The following PLD1 variants were observed in gnomAD, a reference collection of about 807,000 sequenced individuals.
PLD1 encodes the protein choline phosphatase 1.
PLD1 carries 112 observed loss-of-function variants against 137.1 expected under a neutral mutation model. The ratio of observed to expected loss-of-function variants is 0.82; its 90% confidence interval spans 0.70 to 0.96. The LOEUF (loss-of-function observed/expected upper bound fraction) is 0.96. PLD1 is among the 40% of genes least tolerant of loss of function. The pLI, the probability that PLD1 is intolerant of heterozygous loss-of-function variation, is 0.00. For synonymous variants in PLD1, 431 were observed against 454.7 expected (o/e 0.95, Z 0.66); for missense variants, 1,321 against 1,342.0 (o/e 0.98, Z 0.24).
At chr3:171,626,954 C>T (rs1341554204) in intron 23 of PLD1, among the ~76,000 whole-genome samples, 2 of 152,090 alleles carry the variant, frequency 1.3e-5, no homozygotes, top group South Asian at 4.1e-4. Flanking sequence ...CATCAACTAA[C>T]GAGCAAAATA....
intron 21 of PLD1, among the ~76,000 whole-genome samples, chr3:171,652,758 A>T (rs1578194724): frequency 7.3e-6 from 1 of 136,988 alleles, no homozygotes; most frequent in African/African-American, 2.7e-5. Flanking sequence ...GTACCAGCAC[A>T]CTCAGCTATT....
At chr3:171,679,482 G>C (rs1713735415) in intron 16 of PLD1, among the ~76,000 whole-genome samples, 1 of 151,498 alleles carries the variant, frequency 6.6e-6, no homozygotes, top group Admixed American at 6.6e-5. Flanking sequence ...AAGAAAAGAG[G>C]GTGAGAAAAG....
At chr3:171,783,998 C>T (rs558404948) in intron 1 of PLD1, among the ~76,000 whole-genome samples, 1 of 152,314 alleles carries the variant, frequency 6.6e-6, no homozygotes, top group East Asian at 1.9e-4. Context: ...TTGTCTTATA[C>T]TCTCTGTGTC....
chr3:171,725,788 G>A (rs1251650426), intron 7 of PLD1, among the ~76,000 whole-genome samples: 1 of 152,218 alleles, frequency 6.6e-6, no homozygotes, highest in African/African-American at 2.4e-5. Context: ...GGGTTAGAAA[G>A]AATCTGTGCT....
At chr3:171,684,119 A>C (rs564596980) in intron 16 of PLD1, among the ~76,000 whole-genome samples, 10 of 152,296 alleles carry the variant, frequency 6.6e-5, no homozygotes, top group Middle Eastern at 3.4e-3. Context: ...ATGTATGATC[A>C]GTGTCTCAGA....
At chr3:171,748,248 G>C (rs1720399205) in intron 1 of PLD1, among the ~76,000 whole-genome samples, 1 of 152,198 alleles carries the variant, frequency 6.6e-6, no homozygotes, top group Non-Finnish European at 1.5e-5. Flanking sequence ...AGTTTATTAC[G>C]TGTAAGTCAG....
At chr3:171,735,772 T>C (rs1292573532) in intron 3 of PLD1, 135 bp from the exon 4 acceptor site, 1 of 601,164 alleles carries the variant, frequency 1.7e-6, no homozygotes, top group Non-Finnish European at 3.0e-6. Context: ...AGTACTTAAG[T>C]AAATTTGTTT....
chr3:171,641,010 G>A (rs922892396), intron 23 of PLD1, among the ~76,000 whole-genome samples: 2 of 152,172 alleles, frequency 1.3e-5, no homozygotes, highest in African/African-American at 4.8e-5. Context: ...ATAAATATAA[G>A]TACTTAGAAT....
chr3:171,793,044 A>T, intron 1 of PLD1: 1 of 234,708 alleles, frequency 4.3e-6, no homozygotes, highest in Non-Finnish European at 8.4e-6. Flanking sequence ...CAAACCAGTG[A>T]AATTTGCGTG....
Position 171,618,859 on chromosome 3 carries a change from G to A in PLD1, c.2728+1527C>T, listed in dbSNP as rs946101530. On this transcript the variant is annotated intron_variant, in intron 24 of 26. Transcript: ENST00000351298. ...ATACAAATATTAAAAGTGTGTGTGC[G>A]TGTGTGTGTGTGTGTGTGTATGTAT... Among the ~76,000 whole-genome samples the A allele has an allele frequency of 5.8e-4, 49 of 84,136 alleles. 1 individual carries two copies. Among genetic ancestry groups the A allele is most frequent in the Non-Finnish European group, 1.2e-4 (5 of 40,538 alleles). 55.2% of individuals were successfully genotyped at this position (84,136 alleles called of 152,430 possible). A position where few individuals can be genotyped will look rare whatever the true frequency, so the allele number is the denominator to read the frequency against.
chr3:171,732,727 C>T (rs1014248507), intron 6 of PLD1, among the ~76,000 whole-genome samples: 4 of 152,140 alleles, frequency 2.6e-5, no homozygotes, highest in East Asian at 1.9e-4. Flanking sequence ...TACATACATA[C>T]GATAAACCAT....
chr3:171,623,997 C>CA (rs369934863), intron 23 of PLD1, among the ~76,000 whole-genome samples: 3,065 of 65,012 alleles, frequency 0.047, 20 homozygotes, highest in Middle Eastern at 0.067. Flanking sequence ...TATCCAGAGG[C>CA]AAAAAAAAAA....
At position 171,642,858 on chromosome 3, in the gene PLD1, C is replaced by CA; in HGVS notation, c.2574dup (p.Gly859TrpfsTer9). 6.3e-7 allele frequency: 1 copy of CA among 1,587,892 alleles called. No homozygotes were observed. The highest frequency in any genetic ancestry group is 1.1e-5 in the South Asian group (1 of 88,022). On this transcript the variant is annotated frameshift_variant, in exon 23 of 27. Transcript: ENST00000351298. LOFTEE classifies it high-confidence loss of function. The stretch of plus-strand genomic sequence containing the variant: ...TACTTACGCTCTGCTTTTAACTGTC[C>CA]AAGGATGGAATTTTCTCCTCTGCAC...
intron 21 of PLD1, among the ~76,000 whole-genome samples, chr3:171,657,121 C>T (rs1268281891): frequency 6.6e-6 from 1 of 151,980 alleles, no homozygotes; most frequent in East Asian, 1.9e-4. Flanking sequence ...AGTCACATAA[C>T]CTCTTGAATC....
At chr3:171,667,675 GGT>G (rs1712286068) in intron 19 of PLD1, among the ~76,000 whole-genome samples, 1 of 152,130 alleles carries the variant, frequency 6.6e-6, no homozygotes, top group Non-Finnish European at 1.5e-5. Flanking sequence ...CAACCATCCT[GGT>G]CTTACTGGAA....
chr3:171,694,656 T>C (rs1416525048), intron 12 of PLD1, among the ~76,000 whole-genome samples: 1 of 152,138 alleles, frequency 6.6e-6, no homozygotes, highest in Non-Finnish European at 1.5e-5. Context: ...TTCTTCATCA[T>C]GACCCATTTA....
chr3:171,670,020 T>A (rs1266589848), intron 19 of PLD1, among the ~76,000 whole-genome samples: 3 of 152,324 alleles, frequency 2.0e-5, no homozygotes, highest in Middle Eastern at 3.4e-3. Context: ...TTATGAACAG[T>A]CAACTATGTT....
rs945668358 is a variant in PLD1 at position 171,612,947 on chromosome 3, C to T, written c.2729-515G>A. ...CTTTGAGAGGCCAAGGCAGGAGGAT[C>T]GCTTAAAGCCAGGAGTTTGAGACCA... is the stretch of plus-strand genomic sequence containing the variant. On this transcript the variant is annotated intron_variant, in intron 24 of 26. Coordinates refer to ENST00000351298, the MANE Select transcript of PLD1 (RefSeq NM_002662.5). The surrounding 1 kb of genome is among the most constrained non-coding windows in gnomAD (Gnocchi z 4.1). Among the ~76,000 whole-genome samples, 13 of 152,248 alleles carry T rather than the reference C, an allele frequency of 8.5e-5. No homozygotes were observed. The highest frequency in any genetic ancestry group is 2.9e-4 in the African/African-American group (12 of 41,550).
chr3:171,787,522 T>A (rs1199707373), intron 1 of PLD1, among the ~76,000 whole-genome samples: 2 of 152,178 alleles, frequency 1.3e-5, no homozygotes, highest in Non-Finnish European at 2.9e-5. Context: ...ATTATCAACC[T>A]AGGAGAAAAA....
Sources: gnomAD v4.1 joint callset for allele counts (sites outside exome capture counted in the v4.1 genomes callset) on GRCh38, gnomAD v4.1.1 for gene constraint, Gnocchi (gnomAD v3.1) non-coding constraint, MANE v1.5 for transcripts, NCBI Gene and HGNC (gene_info 2026-07-23, HGNC 2026-07-21) for gene names.